SEPTIN11: variants seen among roughly 807,000 people sequenced by gnomAD.
SEPTIN11 encodes septin 11, also known as septin-11.
SEPTIN11 carries 25 observed loss-of-function variants against 51.4 expected under a neutral mutation model. That is an observed-to-expected ratio of 0.49 (90% CI 0.35 to 0.68). The LOEUF (loss-of-function observed/expected upper bound fraction) is 0.68, where lower values mean the gene tolerates loss of function less well. SEPTIN11 is among the 30% of genes least tolerant of loss of function. The pLI is 0.00. For missense variants in SEPTIN11, 381 were observed against 520.8 expected (o/e 0.73, Z 2.61); for synonymous variants, 174 against 184.1 (o/e 0.95, Z 0.44).
chr4:77,018,921 G>A (rs376212707), intron 5 of SEPTIN11, among the ~76,000 whole-genome samples: 5 of 152,290 alleles, frequency 3.3e-5, no homozygotes, highest in East Asian at 3.9e-4. Flanking sequence ...GCTAGCACAA[G>A]TCTTAAGCTT....
At chr4:76,950,016 C>T (rs914831278) in intron 1 of SEPTIN11, 86 bp downstream of exon 1, 3 of 1,280,868 alleles carry the variant, frequency 2.3e-6, no homozygotes, top group East Asian at 6.3e-5. Flanking sequence ...ACAGGGGAGC[C>T]GGGCGGGTGC....
At chr4:77,038,704 G>C, downstream of SEPTIN11, 1 of 972,192 alleles carries the variant, frequency 1.0e-6, no homozygotes, top group Non-Finnish European at 1.3e-6. Context: ...ATAGGGATAA[G>C]AGTCTCATGC....
At chr4:77,031,824 CT>C (rs1205679207) in intron 9 of SEPTIN11, 1 of 152,272 alleles carries the variant, frequency 6.6e-6, no homozygotes, top group Non-Finnish European at 1.5e-5. Context: ...AGATGCCACC[CT>C]CCTTTGTCTA....
intron 9 of SEPTIN11, 92 bp from the exon 10 acceptor site, chr4:77,034,405 A>T (rs1273256795): frequency 9.2e-7 from 1 of 1,092,610 alleles, no homozygotes; most frequent in African/African-American, 1.6e-5. Flanking sequence ...AGCATTCACC[A>T]TCACTGAATG....
rs71607395 is a variant in SEPTIN11, at chr4:76,980,053, T to G, written c.28-16372T>G. On this transcript the variant is annotated intron_variant, in intron 1 of 9. Coordinates refer to ENST00000264893, the MANE Select transcript of SEPTIN11 (RefSeq NM_018243.4). The stretch of plus-strand genomic sequence containing the variant: ...ATGTTTGATAAAATTGTTTTTTGAT[T>G]GATTGATCTAGGGAAATGGCAGACC... 6.4e-3 allele frequency among the ~76,000 whole-genome samples: 972 copies of G among 152,286 alleles called. 5 individuals carry two copies. The highest frequency in any genetic ancestry group is 9.9e-3 in the Non-Finnish European group (676 of 68,020).
rs1023304944 is a variant in SEPTIN11, at chr4:76,949,859, G to C, written c.-45G>C. On this transcript the variant is annotated 5_prime_UTR_variant, in exon 1 of 10. Coordinates refer to ENST00000264893, the MANE Select transcript of SEPTIN11 (RefSeq NM_018243.4). Reference sequence around the variant, plus strand: ...CCGAGCACTAGCAGCAGCCGGAGTCGGCGTAAAGCACCCGGGCGCAGCCGG... The same window carrying C: ...CCGAGCACTAGCAGCAGCCGGAGTCCGCGTAAAGCACCCGGGCGCAGCCGG... 1 of 1,510,152 alleles carries C rather than the reference G, an allele frequency of 6.6e-7. No individual in the cohort carries two copies. The highest frequency in any genetic ancestry group is 2.0e-5 in the Admixed American group (1 of 49,096). The allele number at this position is 1,510,152 out of a possible 1,614,324, so 93.5% of individuals were successfully genotyped here. A position where few individuals can be genotyped will look rare whatever the true frequency, so the allele number is the denominator to read the frequency against.
intron 1 of SEPTIN11, among the ~76,000 whole-genome samples, chr4:76,963,586 T>A (rs1013595506): frequency 6.6e-6 from 1 of 152,272 alleles, no homozygotes; most frequent in African/African-American, 2.4e-5. Context: ...TATTGCATAG[T>A]TGCCATCACA....
chr4:77,026,560 C>T (rs1333955348), intron 7 of SEPTIN11, among the ~76,000 whole-genome samples: 12 of 152,138 alleles, frequency 7.9e-5, no homozygotes, highest in Non-Finnish European at 1.6e-4. Flanking sequence ...TGTGAATCTG[C>T]TAAAAGGATA....
intron 1 of SEPTIN11, among the ~76,000 whole-genome samples, chr4:76,983,835 C>T (rs1722892625): frequency 1.3e-5 from 2 of 152,092 alleles, no homozygotes; most frequent in Admixed American, 1.3e-4. Context: ...TGGTGAAACC[C>T]CGTGTCTACT....
At position 77,037,976 on chromosome 4, in the gene SEPTIN11, A is replaced by G. The variant is rs556710258; in HGVS notation, c.*3464A>G. Reference sequence around the variant, plus strand: ...GTTTCCTTGCTTTCTTGACATTTCCATGACTGTTTCACATACAAACTATTG... The same window carrying G: ...GTTTCCTTGCTTTCTTGACATTTCCGTGACTGTTTCACATACAAACTATTG... On this transcript the variant is annotated 3_prime_UTR_variant, in exon 10 of 10. Coordinates refer to ENST00000264893, the MANE Select transcript of SEPTIN11 (RefSeq NM_018243.4). The G allele has an allele frequency of 3.6e-5, 35 of 985,780 alleles. No individual in the cohort carries two copies. In the African/African-American group the frequency reaches 5.9e-4, roughly 17 times the overall value. 61.1% of individuals were successfully genotyped at this position (985,780 alleles called of 1,614,324 possible).
At chr4:76,990,728 C>T (rs1337501058) in intron 1 of SEPTIN11, among the ~76,000 whole-genome samples, 3 of 152,204 alleles carry the variant, frequency 2.0e-5, no homozygotes, top group South Asian at 2.1e-4. Context: ...GGTGCCACAA[C>T]GGTTGGGGAC....
intron 1 of SEPTIN11, among the ~76,000 whole-genome samples, chr4:76,961,700 A>C (rs1721830727): frequency 6.6e-6 from 1 of 152,212 alleles, no homozygotes; most frequent in Non-Finnish European, 1.5e-5. Context: ...TACTGTATGG[A>C]AAGTGAAAAA....
intron 2 of SEPTIN11, among the ~76,000 whole-genome samples, chr4:77,003,015 C>G (rs1245759396): frequency 1.3e-5 from 2 of 152,182 alleles, no homozygotes; most frequent in African/African-American, 4.8e-5. Flanking sequence ...TTCCTGTATT[C>G]CCAGCCTACA....
At chr4:76,961,677 G>A (rs1721829799) in intron 1 of SEPTIN11, among the ~76,000 whole-genome samples, 1 of 152,114 alleles carries the variant, frequency 6.6e-6, no homozygotes, top group Non-Finnish European at 1.5e-5. Flanking sequence ...ACTATCTCAG[G>A]TAATTTACCA....
At chr4:76,965,760 A>G (rs915808664) in intron 1 of SEPTIN11, among the ~76,000 whole-genome samples, 14 of 152,168 alleles carry the variant, frequency 9.2e-5, no homozygotes, top group Non-Finnish European at 8.8e-5. Context: ...TTAGGAGCCA[A>G]TAGTGATTTT....
chr4:77,018,267 G>A (rs370095056), intron 5 of SEPTIN11, among the ~76,000 whole-genome samples: 6 of 152,138 alleles, frequency 3.9e-5, no homozygotes, highest in Admixed American at 6.6e-5. Flanking sequence ...TGGCTAACAC[G>A]GTGAAACCCC....
intron 1 of SEPTIN11, among the ~76,000 whole-genome samples, chr4:76,978,544 T>C (rs546534882): frequency 3.9e-5 from 6 of 152,276 alleles, no homozygotes; most frequent in Non-Finnish European, 7.4e-5. Context: ...CTGCTTGGCT[T>C]TGACTCCTGG....
At chr4:76,953,249 G>A (rs983213884) in intron 1 of SEPTIN11, among the ~76,000 whole-genome samples, 3 of 152,194 alleles carry the variant, frequency 2.0e-5, no homozygotes, top group Non-Finnish European at 4.4e-5. Context: ...AGGTGTTGGG[G>A]ATATAGCAGT....
At chr4:77,031,062 G>A in intron 9 of SEPTIN11, 92 bp downstream of exon 9, 1 of 1,173,142 alleles carries the variant, frequency 8.5e-7, no homozygotes, top group Non-Finnish European at 1.2e-6. Context: ...CTGGAAACTG[G>A]TCCTTTACCA....
Sources: gnomAD v4.1 joint callset for allele counts (sites outside exome capture counted in the v4.1 genomes callset) on GRCh38, gnomAD v4.1.1 for gene constraint, MANE v1.5 for transcripts, NCBI Gene and HGNC (gene_info 2026-07-23, HGNC 2026-07-21) for gene names.